MRTFB: variants seen among roughly 807,000 people sequenced by gnomAD.
MRTFB encodes myocardin-related transcription factor B.
A neutral mutation model predicts 104.2 loss-of-function variants in MRTFB; 29 were observed. That is an observed-to-expected ratio of 0.28 (90% CI 0.21 to 0.38). The LOEUF (loss-of-function observed/expected upper bound fraction) is 0.38. MRTFB is among the 10% of genes least tolerant of loss of function. The pLI is 1.00. For missense variants in MRTFB, 1,270 were observed against 1,341.6 expected (o/e 0.95, Z 0.83); for synonymous variants, 535 against 519.5 (o/e 1.03, Z -0.41).
upstream of MRTFB, among the ~76,000 whole-genome samples, chr16:14,071,082 C>T (rs570524507): frequency 6.6e-4 from 100 of 152,270 alleles, no homozygotes; most frequent in Admixed American, 1.3e-3. Context: ...GCACGCGCAC[C>T]CGGCCGGCCA....
At chr16:14,240,560 T>C (rs1385293059) in intron 10 of MRTFB, 76 bp downstream of exon 10, 2 of 1,602,194 alleles carry the variant, frequency 1.2e-6, no homozygotes, top group Non-Finnish European at 1.7e-6. Context: ...TTACCAAAAG[T>C]TGAATGTTGT....
intron 14 of MRTFB, 120 bp from the exon 15 acceptor site, chr16:14,252,245 A>T: frequency 6.9e-7 from 1 of 1,449,874 alleles, no homozygotes. Context: ...TGCTTAAAAG[A>T]ACCTGCTCAT....
At chr16:14,101,676 GA>G (rs1336450963) in intron 2 of MRTFB, among the ~76,000 whole-genome samples, 4 of 152,168 alleles carry the variant, frequency 2.6e-5, no homozygotes, top group African/African-American at 4.8e-5. Context: ...AGATTCTGTT[GA>G]AGAGGAGGAA....
chr16:14,192,822 C>T (rs763632246), intron 3 of MRTFB, among the ~76,000 whole-genome samples: 1 of 152,116 alleles, frequency 6.6e-6, no homozygotes, highest in Non-Finnish European at 1.5e-5. Flanking sequence ...AACATTCTTC[C>T]AGGGTTCCTC....
intron 2 of MRTFB, among the ~76,000 whole-genome samples, chr16:14,126,781 C>T (rs2037131497): frequency 6.6e-6 from 1 of 152,136 alleles, no homozygotes; most frequent in South Asian, 2.1e-4. Context: ...AAAAATTTCA[C>T]AGCTGGAATT....
chr16:14,014,174 T>G, the MRTFB span, among the ~76,000 whole-genome samples: 1 of 152,100 alleles, frequency 6.6e-6, no homozygotes, highest in Non-Finnish European at 1.5e-5. Flanking sequence ...GTTTCCCAAT[T>G]GCGTGGAGAA....
chr16:14,140,650 C>G lies in MRTFB; in HGVS notation c.44C>G (p.Pro15Arg), dbSNP rs2037950091. 6.2e-7 allele frequency: 1 copy of G among 1,614,038 alleles called. No individual in the cohort carries two copies. ...GAIDTEDEVGPLAHLAPSPQS... is the reference protein window; with the variant it reads ...GAIDTEDEVGRLAHLAPSPQS... ...ATAGACACCGAGGATGAAGTGGGAC[C>G]TTTAGCCCATCTTGCTCCAAGTCCT... is the stretch of plus-strand genomic sequence containing the variant. The change falls in exon 3 of 17, where the codon CCT becomes CGT. Residue 15 changes from proline (P) to arginine (R), a missense_variant. Physicochemically the swap from Pro to Arg is moderately radical, Grantham distance 103. Around this residue, in one of 3 missense-constraint regions of MRTFB, gnomAD observed 62 missense variants for 57.2 expected, o/e 1.08. Coordinates refer to ENST00000571589, the MANE Select transcript of MRTFB (RefSeq NM_001308142.2).
chr16:14,058,622 G>A, the MRTFB span, among the ~76,000 whole-genome samples: 1 of 149,626 alleles, frequency 6.7e-6, no homozygotes, highest in Non-Finnish European at 1.5e-5. Flanking sequence ...CTCTCAACTT[G>A]CTTTCTTAAG....
rs2043918682 is a variant in MRTFB at position 14,265,538 on chromosome 16, A to G, written c.*4094A>G. On this transcript the variant is annotated 3_prime_UTR_variant, in exon 17 of 17. Coordinates refer to ENST00000571589, the MANE Select transcript of MRTFB (RefSeq NM_001308142.2). Reference sequence around the variant, plus strand: ...TTTTTTTTCCTGGTTCAAACCTTCAATAACTTGCTCATTCAGCAGTCTCTC... The same window carrying G: ...TTTTTTTTCCTGGTTCAAACCTTCAGTAACTTGCTCATTCAGCAGTCTCTC... 1 of 152,248 alleles carries G rather than the reference A, an allele frequency of 6.6e-6. No homozygotes were observed. 9.4% of individuals were successfully genotyped at this position (152,248 alleles called of 1,614,324 possible). A position where few individuals can be genotyped will look rare whatever the true frequency, so the allele number is the denominator to read the frequency against.
the MRTFB span, among the ~76,000 whole-genome samples, chr16:14,006,294 G>A: frequency 3.3e-5 from 5 of 152,064 alleles, no homozygotes; most frequent in Admixed American, 6.5e-5. Context: ...AGCGAGCCGA[G>A]ATTGTGTCAT....
chr16:14,192,848 A>T (rs1025237003), intron 3 of MRTFB, among the ~76,000 whole-genome samples: 1 of 151,828 alleles, frequency 6.6e-6, no homozygotes, highest in East Asian at 1.9e-4. Flanking sequence ...AATAAACAGC[A>T]CCCCTGTCCA....
chr16:14,108,237 T>C (rs2036093091), intron 2 of MRTFB, among the ~76,000 whole-genome samples: 2 of 152,192 alleles, frequency 1.3e-5, no homozygotes. Context: ...AATGGAATTA[T>C]TTACAGTTTT....
At chr16:14,252,330 A>G in intron 14 of MRTFB, 35 bp from the exon 15 acceptor site, 1 of 1,599,378 alleles carries the variant, frequency 6.3e-7, no homozygotes, top group African/African-American at 1.3e-5. Flanking sequence ...TTTATTGCCA[A>G]GAGGTAATGT....
intron 3 of MRTFB, among the ~76,000 whole-genome samples, chr16:14,159,351 G>A (rs2038944275): frequency 6.6e-6 from 1 of 152,136 alleles, no homozygotes; most frequent in South Asian, 2.1e-4. Context: ...AATGAATGAA[G>A]AAATTTTAAA....
the MRTFB span, among the ~76,000 whole-genome samples, chr16:14,029,341 G>A: frequency 6.7e-6 from 1 of 148,200 alleles, no homozygotes. Context: ...GGGAGGCAGA[G>A]GTTGTAGTGA....
chr16:14,168,632 C>T (rs2039326677), intron 3 of MRTFB, among the ~76,000 whole-genome samples: 1 of 152,134 alleles, frequency 6.6e-6, no homozygotes, highest in Non-Finnish European at 1.5e-5. Context: ...TATCCATTTT[C>T]CTTTTAGTGG....
chr16:14,008,200 T>C, the MRTFB span, among the ~76,000 whole-genome samples: 2 of 152,214 alleles, frequency 1.3e-5, no homozygotes, highest in East Asian at 3.8e-4. Context: ...ACCCCATCTC[T>C]TAAAAAAATA....
the MRTFB span, among the ~76,000 whole-genome samples, chr16:14,064,432 G>T: frequency 2.0e-4 from 31 of 152,302 alleles, no homozygotes; most frequent in African/African-American, 7.5e-4. Flanking sequence ...TGTTTACTCT[G>T]TTGATAGTTT....
At chr16:14,255,643 G>C (rs538828286) in intron 15 of MRTFB, among the ~76,000 whole-genome samples, 2 of 152,178 alleles carry the variant, frequency 1.3e-5, no homozygotes, top group African/African-American at 4.8e-5. Context: ...AGCATGTGTA[G>C]ACAATACTTA....
Sources: allele counts gnomAD v4.1 joint callset (sites outside exome capture counted in the v4.1 genomes callset), GRCh38; gene constraint gnomAD v4.1.1; regional missense constraint gnomAD v4.1.1; transcripts MANE v1.5; gene names NCBI Gene and HGNC (gene_info 2026-07-23, HGNC 2026-07-21).